Variants in PRIMA1 observed in about 807,000 individuals in gnomAD.
The protein encoded by PRIMA1 is proline rich membrane anchor 1, also known as proline-rich membrane anchor 1.
PRIMA1 carries 7 observed loss-of-function variants against 17.5 expected under a neutral mutation model. That is an observed-to-expected ratio of 0.40 (90% confidence interval 0.23 to 0.75). The LOEUF (loss-of-function observed/expected upper bound fraction) is 0.75, where lower values mean the gene tolerates loss of function less well. Ranked by LOEUF, PRIMA1 falls within the 30% of genes least tolerant of loss-of-function variation. The pLI, the probability that PRIMA1 is intolerant of heterozygous loss-of-function variation, is 0.37. For missense variants in PRIMA1, 200 were observed against 201.8 expected (o/e 0.99, Z 0.05); for synonymous variants, 97 against 77.9 (o/e 1.25, Z -1.29).
intron 3 of PRIMA1, among the ~76,000 whole-genome samples, chr14:93,748,398 TG>T (rs891020177): frequency 6.6e-6 from 1 of 152,106 alleles, no homozygotes; most frequent in Non-Finnish European, 1.5e-5. Flanking sequence ...AGAGACGCTT[TG>T]GGGGACTGGA....
At chr14:93,740,753 A>G (rs1261598787) in intron 3 of PRIMA1, among the ~76,000 whole-genome samples, 1 of 152,208 alleles carries the variant, frequency 6.6e-6, no homozygotes, top group East Asian at 1.9e-4. Flanking sequence ...GCAATGTGTG[A>G]TCCCAGCAGC....
chr14:93,721,018 GGGA>G lies in PRIMA1; in HGVS notation c.*423_*425del, dbSNP rs2076033959. 2.4e-5 allele frequency: 4 copies of G among 167,528 alleles called. No individual in the cohort carries two copies. The South Asian group carries it at 6.7e-4, about 28-fold the overall frequency. The allele number at this position is 167,528 out of a possible 1,614,324, so 10.4% of individuals were successfully genotyped here. A position where few individuals can be genotyped will look rare whatever the true frequency, so the allele number is the denominator to read the frequency against. ...GAACAGTGGAGCAGGCAGGCTTCCT[GGGA>G]GGAGGAGAGGTTTTCCGGCAGGGAG... On this transcript the variant is annotated 3_prime_UTR_variant, in exon 5 of 5. Transcript: ENST00000393140.
intron 4 of PRIMA1, among the ~76,000 whole-genome samples, chr14:93,728,458 G>A (rs972336093): frequency 1.3e-5 from 2 of 152,134 alleles, no homozygotes; most frequent in African/African-American, 2.4e-5. Context: ...AGTCCTGAGC[G>A]AGGGCGGAGA....
In PRIMA1 at chr14:93,785,909, C is replaced by CAGACACCCCTGCAT. The variant is rs1248412132; in HGVS notation, c.93+1716_93+1717insATGCAGGGGTGTCT. 3.5e-4 allele frequency among the ~76,000 whole-genome samples: 53 copies of CAGACACCCCTGCAT among 152,216 alleles called. No homozygotes were observed. In the Middle Eastern group the frequency reaches 0.01, roughly 29 times the overall value. On this transcript the variant is annotated intron_variant, in intron 2 of 4. Coordinates refer to ENST00000393140, the MANE Select transcript of PRIMA1 (RefSeq NM_178013.4). ...ACACACAGACACCCCTGCATACACA[C>CAGACACCCCTGCAT]ACACACACACCCCTGCTTGTGTAAG...
Position 93,721,165 on chromosome 14 carries a change from C to T in PRIMA1, c.*279G>A. On this transcript the variant is annotated 3_prime_UTR_variant, in exon 5 of 5. Transcript: ENST00000393140. ...TTAGACAGCAGCTGGGGGCAGTCGA[C>T]AGACCAGACACCAGACAGGGAGGAG... The T allele has an allele frequency of 2.3e-6, 1 of 427,736 alleles. No individual in the cohort carries two copies. The highest frequency in any genetic ancestry group is 4.2e-6 in the Non-Finnish European group (1 of 238,622). 26.5% of individuals were successfully genotyped at this position (427,736 alleles called of 1,614,324 possible).
At chr14:93,770,041 G>C (rs1376131321) in intron 3 of PRIMA1, among the ~76,000 whole-genome samples, 1 of 152,142 alleles carries the variant, frequency 6.6e-6, no homozygotes, top group Non-Finnish European at 1.5e-5. Flanking sequence ...CAGCATTCTT[G>C]CTTCCGCTCT....
In PRIMA1 at chr14:93,726,846, C is replaced by T. The variant is rs1272711025; in HGVS notation, c.360-5300G>A. 2.0e-5 allele frequency among the ~76,000 whole-genome samples: 3 copies of T among 152,170 alleles called. No homozygotes were observed. Among genetic ancestry groups the T allele is most frequent in the Non-Finnish European group, 4.4e-5 (3 of 68,024 alleles). ...ATATACACATACACACATGTCCCTA[C>T]ACACATATGCACACATACACATATG... On this transcript the variant is annotated intron_variant, in intron 4 of 4. Coordinates refer to ENST00000393140, the MANE Select transcript of PRIMA1 (RefSeq NM_178013.4). The surrounding 1 kb of genome is among the most constrained non-coding windows in gnomAD (Gnocchi z 4.2).
At chr14:93,758,940 T>C (rs1317760921) in intron 3 of PRIMA1, among the ~76,000 whole-genome samples, 1 of 151,898 alleles carries the variant, frequency 6.6e-6, no homozygotes, top group Non-Finnish European at 1.5e-5. Flanking sequence ...TTGGCCTGGG[T>C]TTTGAATATT....
intron 3 of PRIMA1, among the ~76,000 whole-genome samples, chr14:93,778,535 C>T (rs948143738): frequency 1.3e-5 from 2 of 152,306 alleles, no homozygotes; most frequent in Admixed American, 6.5e-5. Context: ...GAATGAACCA[C>T]GTGAAATACA....
At chr14:93,773,210 TA>T (rs1400847561) in intron 3 of PRIMA1, among the ~76,000 whole-genome samples, 1 of 152,196 alleles carries the variant, frequency 6.6e-6, no homozygotes, top group Non-Finnish European at 1.5e-5. Context: ...ATGGCCTGGA[TA>T]ATTTCTAATC....
At chr14:93,779,121 G>A (rs929768425) in intron 3 of PRIMA1, 55 bp downstream of exon 3, 6 of 1,327,374 alleles carry the variant, frequency 4.5e-6, no homozygotes, top group Non-Finnish European at 5.0e-6. Flanking sequence ...GTGGATCTTC[G>A]TGGGCCTAGG....
intron 4 of PRIMA1, among the ~76,000 whole-genome samples, chr14:93,730,497 G>C (rs2076107191): frequency 6.6e-6 from 1 of 152,170 alleles, no homozygotes. Flanking sequence ...GATGAGCCAG[G>C]AGGAGGGCAG....
chr14:93,719,841 C>T lies in PRIMA1; in HGVS notation c.*1603G>A, dbSNP rs2076025804. 1 of 152,292 alleles carries T rather than the reference C, an allele frequency of 6.6e-6. No homozygotes were observed. Among genetic ancestry groups the T allele is most frequent in the African/African-American group, 2.4e-5 (1 of 41,438 alleles). 9.4% of individuals were successfully genotyped at this position (152,292 alleles called of 1,614,324 possible). A position where few individuals can be genotyped will look rare whatever the true frequency, so the allele number is the denominator to read the frequency against. On this transcript the variant is annotated 3_prime_UTR_variant, in exon 5 of 5. Transcript: ENST00000393140. ...AGGAAATGAGGAAAGAAGAAAACCC[C>T]TTTATGGGAGGGTATGCCCTGGGCC... is the stretch of plus-strand genomic sequence containing the variant.
intron 3 of PRIMA1, among the ~76,000 whole-genome samples, chr14:93,744,273 G>T (rs1277641410): frequency 1.3e-5 from 2 of 152,244 alleles, no homozygotes; most frequent in Non-Finnish European, 2.9e-5. Flanking sequence ...CACTGAGGAA[G>T]GAGTGGTGTG....
chr14:93,763,120 G>A (rs1884783556), intron 3 of PRIMA1, among the ~76,000 whole-genome samples: 1 of 152,186 alleles, frequency 6.6e-6, no homozygotes, highest in South Asian at 2.1e-4. Context: ...TCTGCCCCCT[G>A]CCAGCATATG....
chr14:93,785,715 G>C (rs1308541868), intron 2 of PRIMA1, among the ~76,000 whole-genome samples: 1 of 151,982 alleles, frequency 6.6e-6, no homozygotes, highest in Non-Finnish European at 1.5e-5. Context: ...CCTTTCCCTT[G>C]ATTTCCCTGT....
At chr14:93,769,458 C>A (rs993413856) in intron 3 of PRIMA1, among the ~76,000 whole-genome samples, 1 of 152,178 alleles carries the variant, frequency 6.6e-6, no homozygotes, top group African/African-American at 2.4e-5. Flanking sequence ...CACCCCGAGG[C>A]CGGAATCAAT....
At chr14:93,742,463 G>A (rs2076190185) in intron 3 of PRIMA1, among the ~76,000 whole-genome samples, 1 of 152,156 alleles carries the variant, frequency 6.6e-6, no homozygotes, top group African/African-American at 2.4e-5. Flanking sequence ...GGCAAGTGCT[G>A]GGAAATAAAT....
intron 4 of PRIMA1, among the ~76,000 whole-genome samples, chr14:93,722,714 G>A (rs2076049055): frequency 4.3e-4 from 1 of 2,334 alleles, no homozygotes; most frequent in Non-Finnish European, 1.2e-3. Context: ...GTGGTGGTTA[G>A]CGTAATGGTT....
Sources: gnomAD v4.1 joint callset for allele counts (sites outside exome capture counted in the v4.1 genomes callset) on GRCh38, gnomAD v4.1.1 for gene constraint, Gnocchi (gnomAD v3.1) non-coding constraint, MANE v1.5 for transcripts, NCBI Gene and HGNC (gene_info 2026-07-23, HGNC 2026-07-21) for gene names.